The following DSG2 variants were observed in gnomAD, a reference collection of about 807,000 sequenced individuals.
DSG2 encodes desmoglein 2.
Under a neutral mutation model 75.6 loss-of-function variants are expected in DSG2, and 45 were observed. The ratio of observed to expected loss-of-function variants is 0.60; its 90% CI spans 0.47 to 0.76. The LOEUF is 0.76. Ranked by LOEUF, DSG2 falls within the 30% of genes least tolerant of loss-of-function variation. The pLI is 0.00. For synonymous variants in DSG2, 429 were observed against 483.9 expected (o/e 0.89, Z 1.49); for missense variants, 1,267 against 1,357.4 (o/e 0.93, Z 1.05).
chr18:31,512,864 T>A (rs964843882), intron 1 of DSG2, among the ~76,000 whole-genome samples: 5 of 152,170 alleles, frequency 3.3e-5, no homozygotes, highest in Admixed American at 6.5e-5. Context: ...CCCCAGTATG[T>A]AAGCATCCAA....
chr18:31,513,781 G>A (rs557611306), intron 1 of DSG2, among the ~76,000 whole-genome samples: 2 of 152,298 alleles, frequency 1.3e-5, no homozygotes, highest in South Asian at 2.1e-4. Flanking sequence ...ACTTTACAAC[G>A]GAGAAACTGC....
In DSG2 at chr18:31,546,067, T is replaced by G. The variant is rs759746836; in HGVS notation, c.2681T>G (p.Leu894Trp). Residue 894 changes from leucine (L) to tryptophan (W), a missense_variant, in exon 15 of 15, where the codon TTG becomes TGG. Leu to Trp is a moderately conservative substitution (Grantham distance 61). Transcript: ENST00000261590. ...AGTAGCTTCCCAGTTCCAAAATCTTTGCAAGAAGCCAATGCAGAGAAAGTA... is the reference window on the plus strand; with the variant it reads ...AGTAGCTTCCCAGTTCCAAAATCTTGGCAAGAAGCCAATGCAGAGAAAGTA... ...SGSSFPVPKSLQEANAEKVTQ... is the reference protein window; with the variant it reads ...SGSSFPVPKSWQEANAEKVTQ... 29 of 1,614,088 alleles carry G rather than the reference T, an allele frequency of 1.8e-5. No individual in the cohort carries two copies. The East Asian group carries it at 6.5e-4, about 36-fold the overall frequency.
rs530706822 is a variant in DSG2, at chr18:31,533,104, G to A, written c.1280+1852G>A. ...TCAAACCTATTATTTTACAGATAAG[G>A]AATGGAGGCACAACCAAGTTAAATT... On this transcript the variant is annotated intron_variant, in intron 9 of 14. Transcript: ENST00000261590. Among the ~76,000 whole-genome samples the A allele has an allele frequency of 2.0e-5, 3 of 152,264 alleles. No homozygotes were observed. The East Asian group carries it at 5.8e-4, about 29-fold the overall frequency.
chr18:31,504,740 T>C (rs887553922), intron 1 of DSG2, among the ~76,000 whole-genome samples: 9 of 152,204 alleles, frequency 5.9e-5, no homozygotes, highest in Admixed American at 2.0e-4. Context: ...CTCTCTGTTA[T>C]GTAGCATCTC....
intron 1 of DSG2, among the ~76,000 whole-genome samples, chr18:31,505,527 G>A (rs572807109): frequency 3.3e-5 from 5 of 152,176 alleles, no homozygotes; most frequent in East Asian, 1.9e-4. Flanking sequence ...CCTTGGGCAC[G>A]GACGTATTCT....
chr18:31,498,318 G>C (rs750367927), intron 1 of DSG2, 22 bp downstream of exon 1: 2 of 1,256,910 alleles, frequency 1.6e-6, no homozygotes, highest in African/African-American at 1.5e-5. Flanking sequence ...AAGCGGGACA[G>C]GGGAGCCACC....
At chr18:31,514,602 C>G (rs1382301365) in intron 1 of DSG2, among the ~76,000 whole-genome samples, 1 of 152,200 alleles carries the variant, frequency 6.6e-6, no homozygotes, top group African/African-American at 2.4e-5. Context: ...ATTCTACAAT[C>G]TTGCTCCTCA....
chr18:31,542,710 A>C lies in DSG2; in HGVS notation c.2192A>C (p.Gln731Pro), dbSNP rs202063433. ...AGCCTGCTTTCTGGTAGAGCTACCC[A>C]GTTTACAGGGGCCACAGGCGCTATC... ...HRSLLSGRAT[Q>P]FTGATGAIMT... The change falls in exon 14 of 15, where the codon CAG (glutamine) becomes CCG (proline). Residue 731 changes from glutamine (Q) to proline (P), a missense_variant. Gln to Pro is a moderately conservative substitution (Grantham distance 76). Transcript: ENST00000261590. 4.9e-5 allele frequency: 79 copies of C among 1,614,208 alleles called. No homozygotes were observed. The African/African-American group carries it at 9.2e-4, about 19-fold the overall frequency.
rs1320532914 is a variant in DSG2, at chr18:31,548,153, ATTGAC to A, written c.*1415_*1419del. 9 of 152,250 alleles carry A rather than the reference ATTGAC, an allele frequency of 5.9e-5. No individual in the cohort carries two copies. In the East Asian group the frequency reaches 1.5e-3, roughly 26 times the overall value. 9.4% of individuals were successfully genotyped at this position (152,250 alleles called of 1,614,324 possible). ...CTCAATATTATAAAAACCTCAAATA[ATTGAC>A]TTGATTTTACACAACATCCTTCCCT... On this transcript the variant is annotated 3_prime_UTR_variant, in exon 15 of 15. Transcript: ENST00000261590.
chr18:31,541,179 T>C lies in DSG2; in HGVS notation c.1880-14T>C. On this transcript the variant is annotated splice_polypyrimidine_tract_variant and intron_variant, in intron 12 of 14. Coordinates refer to ENST00000261590, the MANE Select transcript of DSG2 (RefSeq NM_001943.5). ...AGGTTAACCTTATCTGTGTTCAATT[T>C]TGTGTCTGTACAGTGGTACCACTTT... The C allele has an allele frequency of 6.2e-7, 1 of 1,614,158 alleles. No homozygotes were observed.
Position 31,548,556 on chromosome 18 carries a change from C to A in DSG2, c.*1813C>A, listed in dbSNP as rs1373406399. The A allele has an allele frequency of 2.0e-5, 3 of 152,038 alleles. No homozygotes were observed. The highest frequency in any genetic ancestry group is 7.2e-5 in the African/African-American group (3 of 41,388). 9.4% of individuals were successfully genotyped at this position (152,038 alleles called of 1,614,324 possible). A position where few individuals can be genotyped will look rare whatever the true frequency, so the allele number is the denominator to read the frequency against. ...ATTGTTTACTTAGTAATTGTTGTTT[C>A]TTTTATTATTATAGACTTACTATCA... On this transcript the variant is annotated 3_prime_UTR_variant, in exon 15 of 15. Coordinates refer to ENST00000261590, the MANE Select transcript of DSG2 (RefSeq NM_001943.5).
chr18:31,498,817 A>G (rs572853441), intron 1 of DSG2, among the ~76,000 whole-genome samples: 27 of 152,346 alleles, frequency 1.8e-4, no homozygotes, highest in African/African-American at 6.5e-4. Flanking sequence ...AAAATTTTTT[A>G]AAAAGGTGTA....
In DSG2 at chr18:31,523,807, G is replaced by A. The variant is rs111712711; in HGVS notation, c.691-641G>A. On this transcript the variant is annotated intron_variant, in intron 6 of 14. Coordinates refer to ENST00000261590, the MANE Select transcript of DSG2 (RefSeq NM_001943.5). ...ATGTCCAACACAGTCAGTAAGTGAC[G>A]ATGCCAGAATTGGAACCCAGGCAGA... Among the ~76,000 whole-genome samples, 1,496 of 152,296 alleles carry A rather than the reference G, an allele frequency of 9.8e-3. 21 individuals carry two copies. Among genetic ancestry groups the A allele is most frequent in the African/African-American group, 0.035 (1,443 of 41,552 alleles).
At chr18:31,505,138 C>T (rs1598802436) in intron 1 of DSG2, among the ~76,000 whole-genome samples, 1 of 152,182 alleles carries the variant, frequency 6.6e-6, no homozygotes, top group Non-Finnish European at 1.5e-5. Context: ...CTCAGCTCAA[C>T]GCTTTGTCCT....
intron 2 of DSG2, 77 bp from the exon 3 acceptor site, chr18:31,519,726 A>G (rs1000378231): frequency 6.7e-7 from 1 of 1,503,172 alleles, no homozygotes; most frequent in Admixed American, 1.8e-5. Flanking sequence ...TTAAAAGTTT[A>G]TTATGTTATA....
intron 12 of DSG2, among the ~76,000 whole-genome samples, chr18:31,540,273 A>G (rs979369316): frequency 2.0e-5 from 3 of 152,140 alleles, no homozygotes; most frequent in Non-Finnish European, 4.4e-5. Flanking sequence ...CCATTGGTAG[A>G]TGTGCAATTG....
intron 11 of DSG2, 104 bp downstream of exon 11, chr18:31,536,533 T>A: frequency 7.9e-7 from 1 of 1,259,540 alleles, no homozygotes; most frequent in Non-Finnish European, 1.1e-6. Context: ...CCAATATAGT[T>A]TTTTAAAGGA....
chr18:31,525,843 G>A (rs1410408031), intron 8 of DSG2, among the ~76,000 whole-genome samples: 4 of 152,074 alleles, frequency 2.6e-5, no homozygotes, highest in Non-Finnish European at 4.4e-5. Context: ...CATTTATGTC[G>A]AATTACAGGA....
intron 3 of DSG2, among the ~76,000 whole-genome samples, chr18:31,520,600 C>T (rs1434784550): frequency 1.3e-5 from 2 of 152,202 alleles, no homozygotes; most frequent in African/African-American, 4.8e-5. Context: ...AAATCTGCTG[C>T]TTCTCTTCAA....
Sources: allele counts gnomAD v4.1 joint callset (sites outside exome capture counted in the v4.1 genomes callset), GRCh38; gene constraint gnomAD v4.1.1; transcripts MANE v1.5; gene names NCBI Gene and HGNC (gene_info 2026-07-23, HGNC 2026-07-21).